Variants in USP37 observed in about 807,000 individuals in gnomAD.
USP37 encodes the protein ubiquitin carboxyl-terminal hydrolase 37.
Under a neutral mutation model 124.0 loss-of-function variants are expected in USP37, and 27 were observed. The ratio of observed to expected loss-of-function variants is 0.22; its 90% CI spans 0.16 to 0.30. USP37 has a LOEUF of 0.30. USP37 is among the 10% of genes least tolerant of loss of function. The probability of loss-of-function intolerance (pLI) is 1.00; values close to 1 mark genes in which losing one functional copy is unlikely to be tolerated. For synonymous variants in USP37, 365 were observed against 388.0 expected (o/e 0.94, Z 0.70); for missense variants, 889 against 1,140.4 (o/e 0.78, Z 3.17).
rs929981914 is a variant in USP37 at position 218,465,443 on chromosome 2, G to T, written c.2466+567C>A. Among the ~76,000 whole-genome samples, 13 of 151,784 alleles carry T rather than the reference G, an allele frequency of 8.6e-5. No homozygotes were observed. The South Asian group carries it at 1.5e-3, about 17-fold the overall frequency. On this transcript the variant is annotated intron_variant, in intron 21 of 25. Transcript: ENST00000258399. ...TTAAAATAGAAAATAAAAATAAAAAGAAAAGAAAAAAATAAATTTGGACTA... is the reference window on the plus strand; with the variant it reads ...TTAAAATAGAAAATAAAAATAAAAATAAAAGAAAAAAATAAATTTGGACTA...
At chr2:218,477,294 G>A (rs1691032689) in intron 18 of USP37, among the ~76,000 whole-genome samples, 1 of 152,136 alleles carries the variant, frequency 6.6e-6, no homozygotes, top group African/African-American at 2.4e-5. Flanking sequence ...ATTCATGCAG[G>A]CATAGCAATG....
intron 14 of USP37, among the ~76,000 whole-genome samples, chr2:218,495,164 T>C (rs758829237): frequency 3.9e-5 from 6 of 152,194 alleles, no homozygotes; most frequent in Non-Finnish European, 7.3e-5. Flanking sequence ...TTTTTTGAGA[T>C]AGGGTCTTGC....
At chr2:218,470,475 AC>A (rs1329326263) in intron 20 of USP37, among the ~76,000 whole-genome samples, 1 of 152,192 alleles carries the variant, frequency 6.6e-6, no homozygotes, top group Admixed American at 6.5e-5. Context: ...TTTTCTTCAA[AC>A]ATAAATCCTT....
At chr2:218,550,292 T>C (rs181303491) in intron 5 of USP37, among the ~76,000 whole-genome samples, 1 of 146,566 alleles carries the variant, frequency 6.8e-6, no homozygotes, top group East Asian at 1.9e-4. Context: ...CAGTTGTATC[T>C]CCAATAACAT....
At chr2:218,460,530 T>C (rs1470747604) in intron 22 of USP37, among the ~76,000 whole-genome samples, 1 of 152,194 alleles carries the variant, frequency 6.6e-6, no homozygotes, top group African/African-American at 2.4e-5. Flanking sequence ...TTTCACTAAA[T>C]TCTATATGAT....
chr2:218,542,634 G>A (rs1692050147), intron 8 of USP37, among the ~76,000 whole-genome samples: 1 of 152,174 alleles, frequency 6.6e-6, no homozygotes, highest in African/African-American at 2.4e-5. Flanking sequence ...CACGGTTCTA[G>A]AGAGGACAGC....
rs141018210 is a variant in USP37, at chr2:218,469,602, T to C, written c.2300-3426A>G. Among the ~76,000 whole-genome samples the C allele has an allele frequency of 4.7e-4, 72 of 152,296 alleles. 1 individual carries two copies. The highest frequency in any genetic ancestry group is 3.8e-4 in the East Asian group (2 of 5,196). On this transcript the variant is annotated intron_variant, in intron 20 of 25. Transcript: ENST00000258399. ...ATGTACCTCAGACAATCCTGGATTATACTAGTAACTAATCCATGTGTTAGA... is the reference window on the plus strand; with the variant it reads ...ATGTACCTCAGACAATCCTGGATTACACTAGTAACTAATCCATGTGTTAGA...
chr2:218,497,088 T>A (rs910324782), intron 13 of USP37, among the ~76,000 whole-genome samples: 10 of 152,192 alleles, frequency 6.6e-5, no homozygotes, highest in African/African-American at 2.4e-4. Flanking sequence ...TTTATTTTTT[T>A]GAGACAGAGT....
intron 19 of USP37, among the ~76,000 whole-genome samples, chr2:218,476,508 G>A (rs1574855726): frequency 6.6e-6 from 1 of 152,152 alleles, no homozygotes; most frequent in Non-Finnish European, 1.5e-5. Flanking sequence ...CCAGGAGAAC[G>A]ATGCTGTGGT....
intron 10 of USP37, among the ~76,000 whole-genome samples, chr2:218,525,532 T>C (rs148005627): frequency 6.6e-6 from 1 of 152,182 alleles, no homozygotes; most frequent in Non-Finnish European, 1.5e-5. Flanking sequence ...TCTTGAAATA[T>C]AATTTAGCTA....
intron 9 of USP37, among the ~76,000 whole-genome samples, chr2:218,532,687 C>T (rs980168170): frequency 6.6e-6 from 1 of 151,804 alleles, no homozygotes; most frequent in Admixed American, 6.6e-5. Context: ...TCCAGTACTT[C>T]GGGAGGCTGA....
intron 10 of USP37, among the ~76,000 whole-genome samples, chr2:218,520,262 A>G (rs1365357458): frequency 2.0e-5 from 3 of 150,144 alleles, no homozygotes; most frequent in Non-Finnish European, 3.0e-5. Flanking sequence ...TTTAATTTTT[A>G]TATTTGTTAA....
At chr2:218,467,809 G>A (rs935201450) in intron 20 of USP37, among the ~76,000 whole-genome samples, 4 of 151,514 alleles carry the variant, frequency 2.6e-5, no homozygotes, top group African/African-American at 4.8e-5. Flanking sequence ...TCTAGACTAC[G>A]GCTAGCTAAA....
At position 218,553,741 on chromosome 2, in the gene USP37, G is replaced by A. The variant is rs1419778418; in HGVS notation, c.157-17C>T. ...ATGACTTAGCTAATCAAGACAAAAG[G>A]AAAATTATCATCAAAAATGTATGAC... On this transcript the variant is annotated splice_polypyrimidine_tract_variant and intron_variant, in intron 4 of 25. Transcript: ENST00000258399. 1 of 1,586,070 alleles carries A rather than the reference G, an allele frequency of 6.3e-7. No homozygotes were observed. Among genetic ancestry groups the A allele is most frequent in the Non-Finnish European group, 8.6e-7 (1 of 1,164,324 alleles).
Position 218,476,609 on chromosome 2 carries a change from T to C in USP37, c.2043+231A>G, listed in dbSNP as rs555648588. On this transcript the variant is annotated intron_variant, in intron 19 of 25. Transcript: ENST00000258399. ...CTACCAAAATAAAGCAAGTAATTAT[T>C]TGAGGACGAATATGCAAAAGTAGCT... 2.6e-5 allele frequency among the ~76,000 whole-genome samples: 4 copies of C among 152,242 alleles called. No individual in the cohort carries two copies. In the East Asian group the frequency reaches 7.7e-4, roughly 29 times the overall value.
intron 20 of USP37, among the ~76,000 whole-genome samples, chr2:218,472,922 T>C (rs544033879): frequency 6.6e-6 from 1 of 152,344 alleles, no homozygotes; most frequent in East Asian, 1.9e-4. Flanking sequence ...TTTTCTAACC[T>C]AGACTCCTAA....
rs1691302404 is a variant in USP37 at position 218,482,137 on chromosome 2, G to C, written c.1768C>G (p.Leu590Val). ...QQVIIPRYLTLSSHCTENTKP... is the reference protein window; with the variant it reads ...QQVIIPRYLTVSSHCTENTKP... ...GTATTTTCAGTGCAATGAGATGACAGGGTCAGGTATCTTGGAATGATGACT... is the reference window on the plus strand; with the variant it reads ...GTATTTTCAGTGCAATGAGATGACACGGTCAGGTATCTTGGAATGATGACT... The change falls in exon 17 of 26, where the codon CTG becomes GTG. Residue 590 changes from leucine to valine, a missense_variant. Transcript: ENST00000258399. 3 of 1,613,860 alleles carry C rather than the reference G, an allele frequency of 1.9e-6. No individual in the cohort carries two copies. The African/African-American group carries it at 4.0e-5, about 22-fold the overall frequency.
intron 14 of USP37, among the ~76,000 whole-genome samples, chr2:218,490,593 A>G (rs954876275): frequency 6.6e-6 from 1 of 152,180 alleles, no homozygotes; most frequent in Admixed American, 6.5e-5. Context: ...GTTACAGCTA[A>G]AGACTGAAAA....
chr2:218,501,124 G>A (rs1392793200), intron 11 of USP37: 2 of 148,686 alleles, frequency 1.3e-5, no homozygotes, highest in South Asian at 2.1e-4. Context: ...CTGCAACCTC[G>A]ACCCCCCCGG....
Sources: gnomAD v4.1 joint callset for allele counts (sites outside exome capture counted in the v4.1 genomes callset) on GRCh38, gnomAD v4.1.1 for gene constraint, MANE v1.5 for transcripts, NCBI Gene and HGNC (gene_info 2026-07-23, HGNC 2026-07-21) for gene names.